SRGAP2C: variants seen among roughly 807,000 people sequenced by gnomAD.
SRGAP2C encodes the protein SLIT-ROBO Rho GTPase-activating protein 2C.
A neutral mutation model predicts 25.1 loss-of-function variants in SRGAP2C; 15 were observed. The observed-to-expected ratio is 0.60, with a 90% confidence interval of 0.40 to 0.92. The LOEUF (loss-of-function observed/expected upper bound fraction) is 0.92, where lower values mean the gene tolerates loss of function less well. SRGAP2C is among the 40% of genes least tolerant of loss of function. The probability of loss-of-function intolerance (pLI) is 0.00; values close to 1 mark genes in which losing one functional copy is unlikely to be tolerated. For synonymous variants in SRGAP2C, 44 were observed against 96.6 expected (o/e 0.46, Z 3.19); for missense variants, 144 against 264.4 (o/e 0.54, Z 3.16).
rs1475917648 is a variant in SRGAP2C at position 121,282,617 on chromosome 1, C to T, written c.68-2186C>T. Reference sequence around the variant, plus strand: ...TCGCCCAGGCTGGAGTGCAGTGGTGCGATCTCTGCTCAGTGCAAACTCCGC... The same window carrying T: ...TCGCCCAGGCTGGAGTGCAGTGGTGTGATCTCTGCTCAGTGCAAACTCCGC... On this transcript the variant is annotated intron_variant, in intron 2 of 9. Transcript: ENST00000367123. 5.1e-3 allele frequency among the ~76,000 whole-genome samples: 774 copies of T among 152,020 alleles called. 8 individuals are homozygous for T. The highest frequency in any genetic ancestry group is 0.018 in the African/African-American group (737 of 41,506).
chr1:121,268,051 C>T (rs1295963816), intron 2 of SRGAP2C, among the ~76,000 whole-genome samples: 3 of 143,948 alleles, frequency 2.1e-5, no homozygotes, highest in East Asian at 2.1e-4. Flanking sequence ...ACTGTGGCAT[C>T]GGGGATCAGC....
intron 2 of SRGAP2C, among the ~76,000 whole-genome samples, chr1:121,223,358 TGTGTGTGTGTG>T (rs1655583602): frequency 2.8e-5 from 1 of 36,132 alleles, no homozygotes; most frequent in African/African-American, 1.5e-4. Flanking sequence ...AGTTTGTGTG[TGTGTGTGTGTG>T]TGTGTGTGTG....
intron 4 of SRGAP2C, among the ~76,000 whole-genome samples, chr1:121,359,995 A>G (rs1245462424): frequency 1.3e-5 from 2 of 151,976 alleles, no homozygotes; most frequent in African/African-American, 2.4e-5. Context: ...AAATGCACCA[A>G]TCAGCACTCT....
chr1:121,335,391 A>AAATAAATAAAT (rs1658492086), intron 4 of SRGAP2C, among the ~76,000 whole-genome samples: 2 of 135,398 alleles, frequency 1.5e-5, no homozygotes, highest in Admixed American at 1.5e-4. Context: ...AATAAATAAA[A>AAATAAATAAAT]CAACCAATTC....
chr1:121,191,632 G>A (rs1297798886), intron 2 of SRGAP2C, among the ~76,000 whole-genome samples: 1 of 151,144 alleles, frequency 6.6e-6, no homozygotes, highest in Non-Finnish European at 1.5e-5. Flanking sequence ...TAAGGTGCAG[G>A]GCATGGTTAC....
chr1:121,378,707 C>T (rs1553354037), intron 7 of SRGAP2C, among the ~76,000 whole-genome samples: 1 of 152,078 alleles, frequency 6.6e-6, no homozygotes, highest in Non-Finnish European at 1.5e-5. Context: ...AGTCCATTGC[C>T]ATCTGTGTCA....
At chr1:121,196,692 G>T (rs587655525) in intron 2 of SRGAP2C, among the ~76,000 whole-genome samples, 918 of 84,634 alleles carry the variant, frequency 0.011, 96 homozygotes, top group Non-Finnish European at 0.017. Flanking sequence ...ATTAATTGCA[G>T]TTGTGTTAAG....
At position 121,374,827 on chromosome 1, in the gene SRGAP2C, A is replaced by G. The variant is rs61806690; in HGVS notation, c.704A>G (p.His235Arg). The stretch of plus-strand genomic sequence containing the variant: ...AGTGAACTTCTGTTTCCTTTTCAGC[A>G]CCAAGCCAAGTACACGGAGAATAAG... ...VKKIEKMKEK[H>R]QAKYTENKLK... The change falls in exon 7 of 10, where the codon CAC (histidine) becomes CGC (arginine). Residue 235 changes from histidine to arginine, a missense_variant and splice_region_variant. His to Arg is a conservative substitution (Grantham distance 29, BLOSUM62 0). Transcript: ENST00000367123. 0.61 allele frequency: 455,274 copies of G among 750,312 alleles called. 140,618 individuals are homozygous for G. Among genetic ancestry groups the G allele is most frequent in the East Asian group, 0.79 (31,440 of 39,802 alleles). The allele number at this position is 750,312 out of a possible 1,614,324, so 46.5% of individuals were successfully genotyped here. A position where few individuals can be genotyped will look rare whatever the true frequency, so the allele number is the denominator to read the frequency against.
At chr1:121,267,994 T>G (rs1187709124) in intron 2 of SRGAP2C, among the ~76,000 whole-genome samples, 1 of 150,250 alleles carries the variant, frequency 6.7e-6, no homozygotes, top group African/African-American at 2.4e-5. Flanking sequence ...CAGCTCTTGA[T>G]TCATTCATTC....
intron 7 of SRGAP2C, among the ~76,000 whole-genome samples, chr1:121,378,731 G>T (rs1659734877): frequency 2.0e-5 from 3 of 152,066 alleles, no homozygotes; most frequent in Admixed American, 2.0e-4. Flanking sequence ...ACAGCCTTCT[G>T]CCTCCTTCCT....
At chr1:121,239,207 TATA>T (rs1558090588) in intron 2 of SRGAP2C, among the ~76,000 whole-genome samples, 1 of 4,522 alleles carries the variant, frequency 2.2e-4, no homozygotes, top group Non-Finnish European at 3.1e-4. Flanking sequence ...TATATATATA[TATA>T]TATATATATA....
intron 4 of SRGAP2C, among the ~76,000 whole-genome samples, chr1:121,338,253 G>A (rs1658564586): frequency 6.7e-6 from 1 of 150,252 alleles, no homozygotes; most frequent in Non-Finnish European, 1.5e-5. Flanking sequence ...TGCCCAGCTT[G>A]TCCAGAGAGA....
At chr1:121,201,652 C>A (rs1553321714) in intron 2 of SRGAP2C, among the ~76,000 whole-genome samples, 2 of 152,256 alleles carry the variant, frequency 1.3e-5, no homozygotes, top group African/African-American at 4.8e-5. Context: ...GTAAAATGAT[C>A]TCATGTTTAT....
intron 3 of SRGAP2C, among the ~76,000 whole-genome samples, chr1:121,289,141 G>A (rs1259976527): frequency 5.4e-5 from 8 of 147,720 alleles, no homozygotes; most frequent in African/African-American, 1.5e-4. Flanking sequence ...GGGACTGGGC[G>A]CCATGGAGCA....
At chr1:121,320,831 G>A (rs1235372010) in intron 3 of SRGAP2C, among the ~76,000 whole-genome samples, 1 of 151,886 alleles carries the variant, frequency 6.6e-6, no homozygotes, top group Non-Finnish European at 1.5e-5. Context: ...TGTATAATAG[G>A]CATCGCAACA....
At chr1:121,239,693 C>G (rs1656077270) in intron 2 of SRGAP2C, among the ~76,000 whole-genome samples, 2 of 150,676 alleles carry the variant, frequency 1.3e-5, no homozygotes, top group Non-Finnish European at 3.0e-5. Flanking sequence ...TTAATTAAAT[C>G]AGGGGTCAGC....
In SRGAP2C at chr1:121,263,472, G is replaced by A. The variant is rs114475916; in HGVS notation, c.68-21331G>A. 5.9e-3 allele frequency among the ~76,000 whole-genome samples: 884 copies of A among 150,082 alleles called. 8 individuals are homozygous for A. Among genetic ancestry groups the A allele is most frequent in the African/African-American group, 0.02 (813 of 41,086 alleles). ...AAAACTTCAGTGCTTTTCTTTGTTG[G>A]AACCTGTAACACTTTGCTTTTACAT... On this transcript the variant is annotated intron_variant, in intron 2 of 9. Transcript: ENST00000367123.
At chr1:121,186,382 C>T (rs1453700729) in intron 1 of SRGAP2C, among the ~76,000 whole-genome samples, 2 of 87,974 alleles carry the variant, frequency 2.3e-5, no homozygotes, top group South Asian at 6.3e-4. Flanking sequence ...TGCAGATTTG[C>T]CCCCCCCACC....
intron 2 of SRGAP2C, among the ~76,000 whole-genome samples, chr1:121,264,951 C>A (rs1445584791): frequency 1.7e-5 from 2 of 119,326 alleles, no homozygotes; most frequent in African/African-American, 6.6e-5. Flanking sequence ...AATCCCAGCA[C>A]TTTGGGAGGC....
Sources: gnomAD v4.1 joint callset for allele counts (sites outside exome capture counted in the v4.1 genomes callset) on GRCh38, gnomAD v4.1.1 for gene constraint, MANE v1.5 for transcripts, NCBI Gene and HGNC (gene_info 2026-07-23, HGNC 2026-07-21) for gene names.